RFX3: variants seen among roughly 807,000 people sequenced by gnomAD.
RFX3 encodes transcription factor RFX3.
RFX3 carries 14 observed loss-of-function variants against 98.6 expected under a neutral mutation model. That is an observed-to-expected ratio of 0.14 (90% CI 0.09 to 0.22). The LOEUF (loss-of-function observed/expected upper bound fraction) is 0.22. Ranked by LOEUF, RFX3 falls within the 10% of genes least tolerant of loss-of-function variation. RFX3 has a pLI of 1.00. For synonymous variants in RFX3, 383 were observed against 328.4 expected, an observed-to-expected ratio of 1.17 and a Z score of -1.80; for missense variants, 639 against 926.9, an observed-to-expected ratio of 0.69 and a Z score of 4.03.
intron 2 of RFX3, among the ~76,000 whole-genome samples, chr9:3,359,817 AC>A: frequency 6.6e-6 from 1 of 152,104 alleles, no homozygotes; most frequent in Non-Finnish European, 1.5e-5. Context: ...ATCATTAAAA[AC>A]CAAAGGTGAA....
chr9:3,332,032 T>A (rs1290244520), intron 3 of RFX3, among the ~76,000 whole-genome samples: 2 of 152,154 alleles, frequency 1.3e-5, no homozygotes, highest in African/African-American at 2.4e-5. Context: ...ATCCTCAGCT[T>A]TGGAAATTAT....
chr9:3,461,997 C>A (rs1306287878), intron 1 of RFX3, among the ~76,000 whole-genome samples: 1 of 151,906 alleles, frequency 6.6e-6, no homozygotes, highest in East Asian at 1.9e-4. Context: ...CACAAGTGAA[C>A]TTTTGTGTTT....
At chr9:3,290,713 A>G (rs925676555) in intron 6 of RFX3, among the ~76,000 whole-genome samples, 1 of 152,210 alleles carries the variant, frequency 6.6e-6, no homozygotes, top group African/African-American at 2.4e-5. Context: ...TTTATGAGAG[A>G]GCTAAACCTT....
chr9:3,499,971 T>C (rs754681886), intron 1 of RFX3, among the ~76,000 whole-genome samples: 57 of 152,142 alleles, frequency 3.7e-4, no homozygotes, highest in Admixed American at 6.6e-4. Context: ...CACTACCTTA[T>C]TCCTTTTTAA....
chr9:3,376,559 A>C (rs1037038445), intron 2 of RFX3, among the ~76,000 whole-genome samples: 4 of 152,240 alleles, frequency 2.6e-5, no homozygotes, highest in African/African-American at 9.6e-5. Context: ...TGCACAAAAG[A>C]ACATATGTTG....
At chr9:3,356,341 A>G (rs1430256341) in intron 2 of RFX3, among the ~76,000 whole-genome samples, 1 of 151,930 alleles carries the variant, frequency 6.6e-6, no homozygotes, top group Non-Finnish European at 1.5e-5. Context: ...AAACGTCACT[A>G]TACATCTTTA....
At chr9:3,270,244 G>T in intron 11 of RFX3, 127 bp downstream of exon 11, 2 of 931,274 alleles carry the variant, frequency 2.1e-6, no homozygotes, top group Non-Finnish European at 3.2e-6. Context: ...ATTCTGTGTT[G>T]CATGTTTTCT....
At chr9:3,407,225 A>C (rs1842047233) in intron 1 of RFX3, among the ~76,000 whole-genome samples, 1 of 152,150 alleles carries the variant, frequency 6.6e-6, no homozygotes, top group African/African-American at 2.4e-5. Flanking sequence ...ATATTCTTCT[A>C]TGTTCTCTTA....
At chr9:3,425,245 A>T (rs1331732898) in intron 1 of RFX3, among the ~76,000 whole-genome samples, 3 of 152,216 alleles carry the variant, frequency 2.0e-5, no homozygotes, top group Non-Finnish European at 4.4e-5. Context: ...CTCAGAAAAG[A>T]AAAGAAAATT....
intron 2 of RFX3, among the ~76,000 whole-genome samples, chr9:3,389,410 G>C (rs1840055522): frequency 6.6e-6 from 1 of 151,880 alleles, no homozygotes; most frequent in Non-Finnish European, 1.5e-5. Context: ...TGATAGGATG[G>C]GTAATATCAA....
chr9:3,492,384 G>C (rs1850789959), intron 1 of RFX3, among the ~76,000 whole-genome samples: 1 of 152,208 alleles, frequency 6.6e-6, no homozygotes, highest in Non-Finnish European at 1.5e-5. Context: ...CATTGCCCTT[G>C]GGCCACTCAC....
At chr9:3,370,048 A>G (rs1019736273) in intron 2 of RFX3, among the ~76,000 whole-genome samples, 3 of 136,798 alleles carry the variant, frequency 2.2e-5, no homozygotes, top group African/African-American at 8.4e-5. Context: ...TCCCCGTGTT[A>G]GCCAGGATGG....
chr9:3,468,994 C>T (rs755597113), intron 1 of RFX3, among the ~76,000 whole-genome samples: 2 of 151,826 alleles, frequency 1.3e-5, no homozygotes, highest in Admixed American at 6.6e-5. Context: ...GTCAGTTTTT[C>T]GTAATACCCA....
chr9:3,376,705 G>A (rs1049003820), intron 2 of RFX3, among the ~76,000 whole-genome samples: 15 of 152,106 alleles, frequency 9.9e-5, no homozygotes, highest in Admixed American at 4.6e-4. Flanking sequence ...CTGACAAAGG[G>A]CTAATATCCA....
intron 1 of RFX3, among the ~76,000 whole-genome samples, chr9:3,516,963 T>C (rs976874079): frequency 6.6e-6 from 1 of 152,236 alleles, no homozygotes; most frequent in Non-Finnish European, 1.5e-5. Context: ...ACAGAAGCCA[T>C]TGAAATGGTG....
intron 3 of RFX3, among the ~76,000 whole-genome samples, chr9:3,345,081 T>G (rs111256178): frequency 2.0e-5 from 3 of 152,152 alleles, no homozygotes; most frequent in Non-Finnish European, 4.4e-5. Flanking sequence ...GCATTCACAG[T>G]ACAATGCTGT....
rs1250242808 is a variant in RFX3 at position 3,505,249 on chromosome 9, T to C, written c.-9+20498A>G. ...ATATATGAATATATATTTATATATA[T>C]ATGAATATATATTTATATATATATG... is the stretch of plus-strand genomic sequence containing the variant. On this transcript the variant is annotated intron_variant, in intron 1 of 16. Coordinates refer to ENST00000617270, the MANE Select transcript of RFX3 (RefSeq NM_001282116.2). Among the ~76,000 whole-genome samples, 62 of 74,094 alleles carry C rather than the reference T, an allele frequency of 8.4e-4. 6 individuals are homozygous for C. Among genetic ancestry groups the C allele is most frequent in the African/African-American group, 4.8e-3 (51 of 10,646 alleles). 48.6% of individuals were successfully genotyped at this position (74,094 alleles called of 152,430 possible). A position where few individuals can be genotyped will look rare whatever the true frequency, so the allele number is the denominator to read the frequency against.
At chr9:3,293,524 T>C (rs1179092970) in intron 5 of RFX3, among the ~76,000 whole-genome samples, 1 of 152,186 alleles carries the variant, frequency 6.6e-6, no homozygotes. Flanking sequence ...ATTTTCCCTG[T>C]ATTGATTCCA....
intron 5 of RFX3, among the ~76,000 whole-genome samples, chr9:3,296,450 T>G (rs188680646): frequency 5.9e-5 from 9 of 152,210 alleles, no homozygotes; most frequent in African/African-American, 2.2e-4. Flanking sequence ...ATAAACTGAT[T>G]GTTCTTCTTA....
Sources: allele counts gnomAD v4.1 joint callset (sites outside exome capture counted in the v4.1 genomes callset), GRCh38; gene constraint gnomAD v4.1.1; transcripts MANE v1.5; gene names NCBI Gene and HGNC (gene_info 2026-07-23, HGNC 2026-07-21).